Variants in SNX25 observed in about 807,000 individuals in gnomAD.
SNX25 encodes sorting nexin-25.
In SNX25, 62 loss-of-function variants were observed where a neutral mutation model predicts 113.7. The observed-to-expected ratio is 0.55, with a 90% CI of 0.44 to 0.67. SNX25 has a LOEUF of 0.67. Ranked by LOEUF, SNX25 falls within the 30% of genes least tolerant of loss-of-function variation. The pLI is 0.00. For synonymous variants in SNX25, 421 were observed against 436.2 expected, an observed-to-expected ratio of 0.97 and a Z score of 0.43; for missense variants, 1,014 against 1,161.0, an observed-to-expected ratio of 0.87 and a Z score of 1.84.
At chr4:185,264,744 T>G (rs894649388) in intron 4 of SNX25, 134 bp downstream of exon 4, 23 of 955,026 alleles carry the variant, frequency 2.4e-5, no homozygotes, top group Non-Finnish European at 3.3e-5. Context: ...CTAAAACTAT[T>G]TGGCCATTCA....
At chr4:185,284,863 TATTTAG>T (rs1751126879) in intron 5 of SNX25, among the ~76,000 whole-genome samples, 1 of 152,090 alleles carries the variant, frequency 6.6e-6, no homozygotes, top group Admixed American at 6.5e-5. Flanking sequence ...GCAAGAAGCT[TATTTAG>T]AGGCATTCAA....
chr4:185,335,316 T>TCTCTCACACA (rs1303921565), intron 10 of SNX25, among the ~76,000 whole-genome samples: 1 of 140,806 alleles, frequency 7.1e-6, no homozygotes, highest in East Asian at 2.1e-4. Context: ...TGAAAAAGTC[T>TCTCTCACACA]CACACACACA....
rs746176402 is a variant in SNX25 at position 185,351,558 on chromosome 4, A to G, written c.2415A>G (p.Ser805=). 8 of 1,614,106 alleles carry G rather than the reference A, an allele frequency of 5.0e-6. No individual in the cohort carries two copies. Among genetic ancestry groups the G allele is most frequent in the Admixed American group, 1.7e-5 (1 of 60,000 alleles). The change falls in exon 14 of 19, where the codon TCA becomes TCG. Residue 805 remains serine, a synonymous_variant. Coordinates refer to ENST00000652585, the MANE Select transcript of SNX25 (RefSeq NM_001378034.2). The stretch of plus-strand genomic sequence containing the variant: ...TGCAGGGGAAAAAAAATTCTTTTTC[A>G]TTATCCTCATTTTTGGAAAGACTTC... The part of the protein sequence containing the change: ...IDVQGKKNSF[S]LSSFLERLPR...
Position 185,210,281 on chromosome 4 carries a change from A to C in SNX25, c.429+26A>C. The C allele has an allele frequency of 1.0e-6, 1 of 984,236 alleles. No homozygotes were observed. Among genetic ancestry groups the C allele is most frequent in the Non-Finnish European group, 1.2e-6 (1 of 829,640 alleles). The allele number at this position is 984,236 out of a possible 1,614,324, so 61.0% of individuals were successfully genotyped here. On this transcript the variant is annotated intron_variant, in intron 1 of 18. Coordinates refer to ENST00000652585, the MANE Select transcript of SNX25 (RefSeq NM_001378034.2). This position sits in a 1 kb window ranked among gnomAD's most constrained non-coding sequence, Gnocchi z 4.4. ...GTAAGTACCCGACTCCTGGCCGCCC[A>C]GCTCCGCCGGCCCTCCCCGCTTCCG...
downstream of SNX25, among the ~76,000 whole-genome samples, chr4:185,373,938 G>T (rs2095424564): frequency 6.6e-6 from 1 of 151,966 alleles, no homozygotes; most frequent in South Asian, 2.1e-4. Flanking sequence ...CACATTCATG[G>T]TTTCCTTCGG....
chr4:185,247,855 A>G (rs114349647), intron 2 of SNX25, among the ~76,000 whole-genome samples: 2,852 of 152,322 alleles, frequency 0.019, 41 homozygotes, highest in Admixed American at 0.029. Context: ...AAATATGGCT[A>G]TGTCTGGAAG....
chr4:185,319,465 C>G (rs931507732), intron 7 of SNX25, among the ~76,000 whole-genome samples: 10 of 149,796 alleles, frequency 6.7e-5, no homozygotes, highest in Non-Finnish European at 1.5e-5. Flanking sequence ...TGCCACAGTG[C>G]TGGGATTACA....
chr4:185,276,270 C>G (rs143930894), intron 5 of SNX25, among the ~76,000 whole-genome samples: 2 of 152,136 alleles, frequency 1.3e-5, no homozygotes, highest in South Asian at 4.1e-4. Context: ...TGGCACATTT[C>G]CCTCTATTAG....
chr4:185,242,315 C>T (rs1174746841), intron 1 of SNX25, among the ~76,000 whole-genome samples: 2 of 152,104 alleles, frequency 1.3e-5, no homozygotes, highest in Admixed American at 6.5e-5. Flanking sequence ...CATCGTCTAC[C>T]TGGAGACAGT....
At chr4:185,349,713 T>C (rs1579890957) in intron 13 of SNX25, among the ~76,000 whole-genome samples, 1 of 152,364 alleles carries the variant, frequency 6.6e-6, no homozygotes, top group Admixed American at 6.5e-5. Context: ...CTTTGCCCAC[T>C]TTTTAATGGG....
chr4:185,308,179 A>T (rs1046270569), intron 6 of SNX25, among the ~76,000 whole-genome samples: 3 of 152,224 alleles, frequency 2.0e-5, no homozygotes, highest in Non-Finnish European at 2.9e-5. Context: ...AGGTATATAT[A>T]CACAGCCAGC....
chr4:185,209,759 C>A lies in SNX25; in HGVS notation c.-68C>A, dbSNP rs1243099996. On this transcript the variant is annotated 5_prime_UTR_variant, in exon 1 of 19. It introduces an in-frame stop codon into an upstream open reading frame of the 5' UTR. Coordinates refer to ENST00000652585, the MANE Select transcript of SNX25 (RefSeq NM_001378034.2). This position sits in a 1 kb window ranked among gnomAD's most constrained non-coding sequence, Gnocchi z 5.2. Reference sequence around the variant, plus strand: ...GAGGCATGAGCGCGGGCTCCCCCTGCCTCCGGAGCGCCGGCGGGGGACCGG... The same window carrying A: ...GAGGCATGAGCGCGGGCTCCCCCTGACTCCGGAGCGCCGGCGGGGGACCGG... 1.0e-6 allele frequency: 1 copy of A among 983,984 alleles called. No individual in the cohort carries two copies. Among genetic ancestry groups the A allele is most frequent in the East Asian group, 1.1e-4 (1 of 8,772 alleles). 61.0% of individuals were successfully genotyped at this position (983,984 alleles called of 1,614,324 possible).
At chr4:185,241,299 A>T (rs1467571406) in intron 1 of SNX25, among the ~76,000 whole-genome samples, 1 of 152,088 alleles carries the variant, frequency 6.6e-6, no homozygotes, top group African/African-American at 2.4e-5. Flanking sequence ...AACACAGCGA[A>T]ACCCCGTCTC....
At chr4:185,291,449 A>G (rs536519353) in intron 6 of SNX25, among the ~76,000 whole-genome samples, 1 of 152,348 alleles carries the variant, frequency 6.6e-6, no homozygotes, top group Admixed American at 6.5e-5. Context: ...ATATAAGTAG[A>G]ATCATACAAT....
At chr4:185,205,867 C>T (rs975580082), upstream of SNX25, among the ~76,000 whole-genome samples, 2 of 152,120 alleles carry the variant, frequency 1.3e-5, no homozygotes, top group Admixed American at 6.5e-5. Context: ...GTTTATCTTA[C>T]AAAGGACTTG....
intron 1 of SNX25, among the ~76,000 whole-genome samples, chr4:185,230,827 T>C (rs1046121931): frequency 5.3e-5 from 8 of 152,188 alleles, no homozygotes; most frequent in Non-Finnish European, 1.0e-4. Flanking sequence ...ATATCCTAAA[T>C]TTTGTGAATT....
chr4:185,229,292 G>T (rs1741473872), intron 1 of SNX25, among the ~76,000 whole-genome samples: 1 of 152,180 alleles, frequency 6.6e-6, no homozygotes, highest in African/African-American at 2.4e-5. Context: ...GAGAAGGGAA[G>T]GGTCAGAGGC....
intron 6 of SNX25, among the ~76,000 whole-genome samples, chr4:185,292,455 A>G (rs765548075): frequency 2.0e-5 from 3 of 152,104 alleles, no homozygotes; most frequent in Non-Finnish European, 4.4e-5. Context: ...CTGGAGGGCA[A>G]TGACACAATC....
rs202135334 is a variant in SNX25 at position 185,288,031 on chromosome 4, A to G, written c.1111A>G (p.Ile371Val). 1.4e-5 allele frequency: 23 copies of G among 1,613,026 alleles called. No individual in the cohort carries two copies. The highest frequency in any genetic ancestry group is 1.9e-5 in the Non-Finnish European group (22 of 1,179,606). ...KQLRYQIVVE[I>V]IQATTISSFP... ...AATCAGGTATCAAATTGTAGTGGAA[A>G]TAATCCAGGCGACTACAATTAGCAG... The change falls in exon 6 of 19, where the codon ATA (isoleucine) becomes GTA (valine). Residue 371 changes from isoleucine to valine, a missense_variant. Physicochemically the swap from Ile to Val is conservative, Grantham distance 29. Coordinates refer to ENST00000652585, the MANE Select transcript of SNX25 (RefSeq NM_001378034.2).
Sources: allele counts gnomAD v4.1 joint callset (sites outside exome capture counted in the v4.1 genomes callset), GRCh38; gene constraint gnomAD v4.1.1; non-coding constraint Gnocchi (gnomAD v3.1); transcripts MANE v1.5; gene names NCBI Gene and HGNC (gene_info 2026-07-23, HGNC 2026-07-21).